PLEKHG1: variants seen among roughly 807,000 people sequenced by gnomAD.
PLEKHG1 encodes the protein pleckstrin homology domain-containing family G member 1.
Under a neutral mutation model 100.8 loss-of-function variants are expected in PLEKHG1, and 44 were observed. The observed-to-expected ratio is 0.44, with a 90% CI of 0.34 to 0.56. The LOEUF (loss-of-function observed/expected upper bound fraction) is 0.56, where lower values mean the gene tolerates loss of function less well. PLEKHG1 is among the 20% of genes least tolerant of loss of function. The pLI is 0.01. For missense variants in PLEKHG1, 1,545 were observed against 1,720.9 expected (o/e 0.90, Z 1.81); for synonymous variants, 640 against 662.5 (o/e 0.97, Z 0.52).
intron 4 of PLEKHG1, among the ~76,000 whole-genome samples, chr6:150,792,357 C>CAA (rs34263748): frequency 3.4e-4 from 30 of 87,022 alleles, no homozygotes; most frequent in South Asian, 8.1e-4. Flanking sequence ...ACTCAGTCTC[C>CAA]AAAAAAAAAA....
At chr6:150,715,891 G>A (rs1309811842) in intron 3 of PLEKHG1, among the ~76,000 whole-genome samples, 20 of 147,596 alleles carry the variant, frequency 1.4e-4, no homozygotes, top group African/African-American at 4.4e-4. Flanking sequence ...GGCGGATCAC[G>A]AGGTCAGGAG....
At chr6:150,753,293 G>A (rs879917965) in intron 2 of PLEKHG1, among the ~76,000 whole-genome samples, 7 of 152,096 alleles carry the variant, frequency 4.6e-5, no homozygotes, top group Admixed American at 1.3e-4. Flanking sequence ...GGACATTGTG[G>A]GGTGGGTGTG....
chr6:150,711,952 C>T (rs1465721294), intron 3 of PLEKHG1, among the ~76,000 whole-genome samples: 2 of 152,188 alleles, frequency 1.3e-5, no homozygotes, highest in Admixed American at 1.3e-4. Context: ...ATTCTGACTG[C>T]ATATGAAGTC....
chr6:150,732,174 G>C (rs1782302191), intron 1 of PLEKHG1, among the ~76,000 whole-genome samples: 1 of 151,566 alleles, frequency 6.6e-6, no homozygotes, highest in Non-Finnish European at 1.5e-5. Context: ...ACCATTAAGT[G>C]ACCTTTTGAC....
intron 1 of PLEKHG1, among the ~76,000 whole-genome samples, chr6:150,602,639 G>C (rs1776402320): frequency 6.6e-6 from 1 of 152,106 alleles, no homozygotes; most frequent in Admixed American, 6.5e-5. Context: ...ATTCGTATCA[G>C]TGTTTGGCAC....
At chr6:150,815,143 A>G (rs1008517451) in intron 10 of PLEKHG1, among the ~76,000 whole-genome samples, 1 of 152,226 alleles carries the variant, frequency 6.6e-6, no homozygotes, top group African/African-American at 2.4e-5. Context: ...TTATTTTCCT[A>G]AAGTTTTCAA....
In PLEKHG1 at chr6:150,733,528, C is replaced by A. The variant is rs140516840; in HGVS notation, c.-98-56C>A. The A allele has an allele frequency of 6.1e-4, 879 of 1,439,066 alleles. 3 individuals are homozygous for A. The African/African-American group carries it at 9.5e-3, about 16-fold the overall frequency. The allele number at this position is 1,439,066 out of a possible 1,614,324, so 89.1% of individuals were successfully genotyped here. A position where few individuals can be genotyped will look rare whatever the true frequency, so the allele number is the denominator to read the frequency against. On this transcript the variant is annotated intron_variant, in intron 1 of 15. Transcript: ENST00000358517. ...AGCTAGGTTTTTACTTCCTTTCAAC[C>A]CTCTGCTTGATAGAATTGCTTATCT...
intron 3 of PLEKHG1, among the ~76,000 whole-genome samples, chr6:150,709,636 C>T (rs2128603699): frequency 6.6e-6 from 1 of 152,280 alleles, no homozygotes; most frequent in East Asian, 1.9e-4. Flanking sequence ...AGGTTAGTGC[C>T]TTGTCCAAGA....
chr6:150,685,381 G>T (rs1333746132), intron 3 of PLEKHG1, among the ~76,000 whole-genome samples: 1 of 152,118 alleles, frequency 6.6e-6, no homozygotes, highest in Non-Finnish European at 1.5e-5. Flanking sequence ...ACCCATCTGA[G>T]CCCAGCTCAG....
intron 2 of PLEKHG1, among the ~76,000 whole-genome samples, chr6:150,638,609 T>C (rs1778117167): frequency 6.6e-6 from 1 of 152,162 alleles, no homozygotes; most frequent in South Asian, 2.1e-4. Flanking sequence ...AGGGAGAGGA[T>C]GGAGAGTTCT....
chr6:150,730,764 G>A (rs57807556), intron 1 of PLEKHG1, among the ~76,000 whole-genome samples: 27,098 of 151,948 alleles, frequency 0.18, 3,733 homozygotes, highest in African/African-American at 0.38. Flanking sequence ...TTAGCTGGGC[G>A]TGGTGGCACA....
In PLEKHG1 at chr6:150,671,024, A is replaced by G. The variant is rs111503635; in HGVS notation, c.-99+20238A>G. On this transcript the variant is annotated intron_variant, in intron 3 of 3. Transcript: ENST00000367326. ...ACATCACTTAGAATAATAGTCTCCA[A>G]TCTCATCCAGGTCACTGCAAATGCT... Among the ~76,000 whole-genome samples, 184 of 151,638 alleles carry G rather than the reference A, an allele frequency of 1.2e-3. 2 individuals are homozygous for G. Among genetic ancestry groups the G allele is most frequent in the East Asian group, 9.9e-3 (51 of 5,156 alleles).
intron 2 of PLEKHG1, among the ~76,000 whole-genome samples, chr6:150,739,077 C>T (rs904588449): frequency 6.6e-6 from 1 of 152,064 alleles, no homozygotes; most frequent in Non-Finnish European, 1.5e-5. Context: ...CTTTTGAGAA[C>T]CTCATAAGAT....
At chr6:150,762,097 A>G (rs1041466322) in intron 2 of PLEKHG1, among the ~76,000 whole-genome samples, 4 of 152,204 alleles carry the variant, frequency 2.6e-5, no homozygotes, top group African/African-American at 9.6e-5. Flanking sequence ...TTACTCAGGC[A>G]TCTCAGAGCC....
At chr6:150,619,024 G>C (rs1281064908) in intron 1 of PLEKHG1, among the ~76,000 whole-genome samples, 1 of 152,112 alleles carries the variant, frequency 6.6e-6, no homozygotes, top group Non-Finnish European at 1.5e-5. Context: ...TCAAGGCTGT[G>C]GTTAGCTGTG....
At chr6:150,688,448 G>A (rs1780222741) in intron 3 of PLEKHG1, among the ~76,000 whole-genome samples, 1 of 152,100 alleles carries the variant, frequency 6.6e-6, no homozygotes. Context: ...AGCCTCCTGA[G>A]TAGCTGAGAT....
intron 3 of PLEKHG1, among the ~76,000 whole-genome samples, chr6:150,782,713 G>A (rs1785383317): frequency 6.6e-6 from 1 of 152,154 alleles, no homozygotes; most frequent in Non-Finnish European, 1.5e-5. Flanking sequence ...GCAAAAAGGG[G>A]AAATAATGCT....
chr6:150,716,396 G>C (rs1392564614), upstream of PLEKHG1, among the ~76,000 whole-genome samples: 1 of 152,176 alleles, frequency 6.6e-6, no homozygotes, highest in Non-Finnish European at 1.5e-5. Context: ...GCATATGAAA[G>C]TCTAAGATTA....
At chr6:150,806,321 A>G (rs1377535047) in intron 7 of PLEKHG1, among the ~76,000 whole-genome samples, 1 of 149,704 alleles carries the variant, frequency 6.7e-6, no homozygotes, top group East Asian at 2.0e-4. Flanking sequence ...TATTGAATAC[A>G]GTCATCCCCC....
Sources: gnomAD v4.1 joint callset for allele counts (sites outside exome capture counted in the v4.1 genomes callset) on GRCh38, gnomAD v4.1.1 for gene constraint, MANE v1.5 for transcripts, NCBI Gene and HGNC (gene_info 2026-07-23, HGNC 2026-07-21) for gene names.